Variants in ZC3H12B observed in about 807,000 individuals in gnomAD.
ZC3H12B encodes the protein zinc finger CCCH-type containing 12B.
In ZC3H12B, 7 loss-of-function variants were observed where a neutral mutation model predicts 43.9. The observed-to-expected ratio is 0.16, with a 90% CI of 0.09 to 0.30. The LOEUF (loss-of-function observed/expected upper bound fraction) is 0.30, where lower values mean the gene tolerates loss of function less well. Ranked by LOEUF, ZC3H12B falls within the 10% of genes least tolerant of loss-of-function variation. The pLI, the probability that ZC3H12B is intolerant of heterozygous loss-of-function variation, is 1.00. For missense variants in ZC3H12B, 475 were observed against 670.2 expected (o/e 0.71, Z 3.22); for synonymous variants, 222 against 241.7 (o/e 0.92, Z 0.76).
At chrX:65,243,311 GA>G in the ZC3H12B span, among the ~76,000 whole-genome samples, 1 of 112,205 alleles carries the variant, frequency 8.9e-6, no homozygotes, top group African/African-American at 3.2e-5. Context: ...TGAAAGATCT[GA>G]ATACACATTT....
At chrX:65,189,707 A>C in the ZC3H12B span, among the ~76,000 whole-genome samples, 3 of 108,266 alleles carry the variant, frequency 2.8e-5, no homozygotes, top group African/African-American at 1.0e-4. Context: ...GCCCTTTGTC[A>C]GATGAGTAGG....
At chrX:65,191,853 T>C in the ZC3H12B span, among the ~76,000 whole-genome samples, 4 of 104,323 alleles carry the variant, frequency 3.8e-5, no homozygotes, top group Non-Finnish European at 7.8e-5. Flanking sequence ...CTTTTGAATG[T>C]GTTTGCTCTT....
intron 2 of ZC3H12B, among the ~76,000 whole-genome samples, chrX:65,380,713 A>T (rs1393383842): frequency 8.9e-6 from 1 of 111,897 alleles, no homozygotes; most frequent in Non-Finnish European, 1.9e-5. Context: ...CAGGAAACCC[A>T]TCTCACGGGC....
At chrX:65,405,446 C>T (rs1168464600) in intron 3 of ZC3H12B, among the ~76,000 whole-genome samples, 2 of 111,023 alleles carry the variant, frequency 1.8e-5, no homozygotes, top group African/African-American at 3.3e-5. Flanking sequence ...GTGGTGAAAC[C>T]CTGTCTCTAC....
At chrX:65,127,471 T>G in the ZC3H12B span, among the ~76,000 whole-genome samples, 2 of 111,158 alleles carry the variant, frequency 1.8e-5, no homozygotes, top group African/African-American at 6.5e-5. Flanking sequence ...TGGTTTTGTG[T>G]TGGTTGACCT....
At chrX:65,418,557 T>C (rs2066985545) in intron 3 of ZC3H12B, among the ~76,000 whole-genome samples, 1 of 111,563 alleles carries the variant, frequency 9.0e-6, no homozygotes, top group Admixed American at 9.6e-5. Context: ...AAAGTGGGTG[T>C]GGTTACCTTA....
At chrX:65,256,659 G>T in the ZC3H12B span, among the ~76,000 whole-genome samples, 1 of 111,329 alleles carries the variant, frequency 9.0e-6, no homozygotes. Flanking sequence ...CAACCCCCAA[G>T]CTAGCAGAAG....
the ZC3H12B span, among the ~76,000 whole-genome samples, chrX:65,147,724 C>T: frequency 9.0e-6 from 1 of 111,048 alleles, no homozygotes; most frequent in Non-Finnish European, 1.9e-5. Flanking sequence ...CCTGGATCTA[C>T]TGGAGTATCC....
the ZC3H12B span, among the ~76,000 whole-genome samples, chrX:65,076,124 A>C: frequency 9.4e-6 from 1 of 106,207 alleles, no homozygotes; most frequent in African/African-American, 3.4e-5. Flanking sequence ...CTATTTTATT[A>C]TTTGTTTTCT....
the ZC3H12B span, among the ~76,000 whole-genome samples, chrX:65,042,225 A>G: frequency 1.8e-5 from 2 of 112,200 alleles, no homozygotes; most frequent in Admixed American, 9.4e-5. Flanking sequence ...AAAACTAATT[A>G]TAATTTTCTC....
chrX:65,406,486 G>T (rs370700554), intron 3 of ZC3H12B, among the ~76,000 whole-genome samples: 1 of 105,713 alleles, frequency 9.5e-6, no homozygotes, highest in East Asian at 3.0e-4. Flanking sequence ...TCATAAAACA[G>T]GGGATAGAAA....
At chrX:65,155,101 A>G in the ZC3H12B span, among the ~76,000 whole-genome samples, 3 of 109,527 alleles carry the variant, frequency 2.7e-5, no homozygotes, top group Admixed American at 9.8e-5. Flanking sequence ...GACTACAGAC[A>G]TGCAACCACC....
chrX:65,465,769 TA>T lies in ZC3H12B; in HGVS notation n.408-22876del, dbSNP rs1240998753. Among the ~76,000 whole-genome samples, 3 of 111,121 alleles carry T rather than the reference TA, an allele frequency of 2.7e-5. No individual in the cohort carries two copies. In the Admixed American group the frequency reaches 2.9e-4, roughly 11 times the overall value. Reference sequence around the variant, plus strand: ...TATCTCTTTTATTATATTTTTGAGTTATTTTCATAGAGATTATTCTGCAGGT... The same window carrying T: ...TATCTCTTTTATTATATTTTTGAGTTTTTTCATAGAGATTATTCTGCAGGT... On this transcript the variant is annotated intron_variant and non_coding_transcript_variant, in intron 3 of 5. Coordinates refer to the ZC3H12B transcript ENST00000617377.
chrX:65,200,843 C>A, the ZC3H12B span, among the ~76,000 whole-genome samples: 78 of 111,327 alleles, frequency 7.0e-4, 1 homozygote, highest in Admixed American at 5.3e-3. Flanking sequence ...GTCATGGAAT[C>A]TTTGATATGT....
At chrX:65,154,084 G>T in the ZC3H12B span, among the ~76,000 whole-genome samples, 2 of 110,774 alleles carry the variant, frequency 1.8e-5, no homozygotes, top group Non-Finnish European at 3.8e-5. Context: ...CTGTTGTGGG[G>T]TGGGAGGAGG....
chrX:65,114,916 A>ATTTTTTTTTT, the ZC3H12B span, among the ~76,000 whole-genome samples: 4 of 19,323 alleles, frequency 2.1e-4, 1 homozygote, highest in African/African-American at 8.0e-4. Flanking sequence ...GTGTCTCAGG[A>ATTTTTTTTTT]TTTTTTTTTT....
At chrX:65,330,834 T>A in the ZC3H12B span, 1 of 196,986 alleles carries the variant, frequency 5.1e-6, no homozygotes, top group Non-Finnish European at 1.0e-5. Flanking sequence ...GGCCCTTTTC[T>A]TCCAAAAATG....
the ZC3H12B span, among the ~76,000 whole-genome samples, chrX:65,182,080 G>T: frequency 1.8e-5 from 2 of 111,648 alleles, no homozygotes; most frequent in Admixed American, 1.9e-4. Context: ...CCATCAAAAA[G>T]AATGAGTTCA....
chrX:65,181,825 A>C, the ZC3H12B span, among the ~76,000 whole-genome samples: 1 of 112,102 alleles, frequency 8.9e-6, no homozygotes, highest in Non-Finnish European at 1.9e-5. Flanking sequence ...TACTTCAACC[A>C]TTGTGGAAGA....
Sources: gnomAD v4.1 joint callset for allele counts (sites outside exome capture counted in the v4.1 genomes callset) on GRCh38, gnomAD v4.1.1 for gene constraint, MANE v1.5 for transcripts, NCBI Gene and HGNC (gene_info 2026-07-23, HGNC 2026-07-21) for gene names.